CNTNAP2: variants seen among roughly 807,000 people sequenced by gnomAD.
The protein encoded by CNTNAP2 is contactin associated protein 2, also known as contactin-associated protein-like 2.
CNTNAP2 carries 98 observed loss-of-function variants against 155.2 expected under a neutral mutation model. That is an observed-to-expected ratio of 0.63 (90% confidence interval 0.54 to 0.75). The LOEUF is 0.75. Among genes scored for constraint, CNTNAP2 ranks in the 30% least tolerant of loss-of-function variants. CNTNAP2 has a pLI of 0.00. For missense variants in CNTNAP2, 1,727 were observed against 1,688.1 expected, an observed-to-expected ratio of 1.02 and a Z score of -0.40; for synonymous variants, 651 against 631.2, an observed-to-expected ratio of 1.03 and a Z score of -0.47.
At chr7:146,688,414 C>G (rs2642488) in intron 1 of CNTNAP2, among the ~76,000 whole-genome samples, 121,726 of 152,026 alleles carry the variant, frequency 0.8, 49,322 homozygotes, top group South Asian at 0.91. Flanking sequence ...GGGTGCAGGC[C>G]AACTGACTCT....
chr7:147,928,905 A>T lies in CNTNAP2; in HGVS notation c.2255+25184A>T, dbSNP rs6974302. 7.1e-3 allele frequency among the ~76,000 whole-genome samples: 1,078 copies of T among 152,052 alleles called. 13 individuals are homozygous for T. The highest frequency in any genetic ancestry group is 0.025 in the African/African-American group (1,042 of 41,446). The stretch of plus-strand genomic sequence containing the variant: ...CGAGAGTTTGAGATCAGCCTGACCA[A>T]CATGGAGAAACCCCGTCTCTACTAA... On this transcript the variant is annotated intron_variant, in intron 14 of 23. Coordinates refer to ENST00000361727, the MANE Select transcript of CNTNAP2 (RefSeq NM_014141.6).
chr7:147,571,188 T>C (rs1034962988), intron 12 of CNTNAP2, among the ~76,000 whole-genome samples: 5 of 151,644 alleles, frequency 3.3e-5, no homozygotes, highest in Non-Finnish European at 5.9e-5. Context: ...GTTACATATG[T>C]ATACATGTGC....
At chr7:146,441,345 C>T (rs576663848) in intron 1 of CNTNAP2, among the ~76,000 whole-genome samples, 12 of 151,534 alleles carry the variant, frequency 7.9e-5, no homozygotes, top group African/African-American at 2.9e-4. Context: ...TTTCATATTG[C>T]AAGACAATTC....
At chr7:146,773,708 T>C (rs1802337644) in intron 1 of CNTNAP2, among the ~76,000 whole-genome samples, 1 of 152,208 alleles carries the variant, frequency 6.6e-6, no homozygotes, top group African/African-American at 2.4e-5. Context: ...TTTTCTATTC[T>C]AGTGAGAACA....
intron 1 of CNTNAP2, among the ~76,000 whole-genome samples, chr7:146,199,176 G>A (rs1798821176): frequency 6.6e-6 from 1 of 152,052 alleles, no homozygotes; most frequent in African/African-American, 2.4e-5. Flanking sequence ...TTCCATCTCT[G>A]TTACTTGTTG....
chr7:147,329,274 A>G (rs1401098583), intron 9 of CNTNAP2, among the ~76,000 whole-genome samples: 1 of 152,132 alleles, frequency 6.6e-6, no homozygotes, highest in Non-Finnish European at 1.5e-5. Context: ...TATAATTCTT[A>G]CACATTATAA....
chr7:147,806,030 C>G (rs1361798469), intron 13 of CNTNAP2, among the ~76,000 whole-genome samples: 1 of 152,262 alleles, frequency 6.6e-6, no homozygotes, highest in East Asian at 1.9e-4. Flanking sequence ...AATCTCCACA[C>G]AGCAAGGGAG....
chr7:146,994,689 T>G (rs1798274444), intron 3 of CNTNAP2, among the ~76,000 whole-genome samples: 1 of 152,078 alleles, frequency 6.6e-6, no homozygotes, highest in African/African-American at 2.4e-5. Context: ...AAATGGCAGT[T>G]TTACATATCT....
At chr7:146,577,810 T>A (rs1798547817) in intron 1 of CNTNAP2, among the ~76,000 whole-genome samples, 1 of 152,096 alleles carries the variant, frequency 6.6e-6, no homozygotes, top group East Asian at 1.9e-4. Context: ...TTTGATGGCT[T>A]TTGAAAAGTG....
At chr7:146,985,308 A>ATTTTTTTTTTTTTTTTTTTT (rs71165057) in intron 3 of CNTNAP2, among the ~76,000 whole-genome samples, 2 of 127,826 alleles carry the variant, frequency 1.6e-5, no homozygotes, top group African/African-American at 6.3e-5. Context: ...AAATGCTTGA[A>ATTTTTTTTTTTTTTTTTTTT]TTTTTTTTTT....
chr7:148,172,064 C>T (rs1805803591), intron 17 of CNTNAP2, among the ~76,000 whole-genome samples, 178 bp from the exon 18 acceptor site: 1 of 152,094 alleles, frequency 6.6e-6, no homozygotes, highest in Non-Finnish European at 1.5e-5. Context: ...TTAATTAGGC[C>T]TTATAGCCTG....
intron 3 of CNTNAP2, among the ~76,000 whole-genome samples, chr7:146,959,337 A>G (rs1797506696): frequency 6.6e-6 from 1 of 152,174 alleles, no homozygotes; most frequent in Non-Finnish European, 1.5e-5. Context: ...GCGAGAAAAG[A>G]TGCAAATCTT....
rs700305 is a variant in CNTNAP2, at chr7:147,390,143, A to G, written c.1499-5466A>G. ...CTCCTCTGTTTCTAAGGGAGTTAAAACAGCAGGAGGTTCAGTATCAGAGAT... is the reference window on the plus strand; with the variant it reads ...CTCCTCTGTTTCTAAGGGAGTTAAAGCAGCAGGAGGTTCAGTATCAGAGAT... On this transcript the variant is annotated intron_variant, in intron 9 of 23. Coordinates refer to ENST00000361727, the MANE Select transcript of CNTNAP2 (RefSeq NM_014141.6). 3.3e-5 allele frequency among the ~76,000 whole-genome samples: 5 copies of G among 152,132 alleles called. No individual in the cohort carries two copies. The East Asian group carries it at 9.7e-4, about 30-fold the overall frequency.
Position 146,553,668 on chromosome 7 carries a change from A to G in CNTNAP2, c.98-220603A>G, listed in dbSNP as rs558219991. On this transcript the variant is annotated intron_variant, in intron 1 of 23. Transcript: ENST00000361727. Reference sequence around the variant, plus strand: ...TTGAAAGAAAATTAAAATTAATCCAATGTAGGATATTATACAAAGATTACT... The same window carrying G: ...TTGAAAGAAAATTAAAATTAATCCAGTGTAGGATATTATACAAAGATTACT... 3.3e-5 allele frequency among the ~76,000 whole-genome samples: 5 copies of G among 152,298 alleles called. No individual in the cohort carries two copies. In the East Asian group the frequency reaches 9.7e-4, roughly 29 times the overall value.
intron 16 of CNTNAP2, among the ~76,000 whole-genome samples, chr7:148,134,377 G>A (rs1223915480): frequency 6.6e-6 from 1 of 152,140 alleles, no homozygotes; most frequent in Non-Finnish European, 1.5e-5. Context: ...TCCGGTTCCT[G>A]TATACATTAG....
chr7:148,305,061 A>AG (rs1359064736), intron 21 of CNTNAP2, among the ~76,000 whole-genome samples: 2 of 144,580 alleles, frequency 1.4e-5, no homozygotes, highest in Non-Finnish European at 3.1e-5. Flanking sequence ...TACAAAAAAA[A>AG]AAAAAAAAGA....
In CNTNAP2 at chr7:147,775,321, ATT is replaced by A. The variant is rs1455498941; in HGVS notation, c.2099-128242_2099-128241del. 2.6e-4 allele frequency among the ~76,000 whole-genome samples: 9 copies of A among 34,888 alleles called. 1 individual carries two copies. Among genetic ancestry groups the A allele is most frequent in the South Asian group, 2.2e-3 (3 of 1,350 alleles). The allele number at this position is 34,888 out of a possible 152,430, so 22.9% of individuals were successfully genotyped here. On this transcript the variant is annotated intron_variant, in intron 13 of 23. Coordinates refer to ENST00000361727, the MANE Select transcript of CNTNAP2 (RefSeq NM_014141.6). ...TATATATATTTATAAATATATATAT[ATT>A]TATATATATTTATAAATATATATAT...
chr7:146,953,376 C>T (rs1797361877), intron 3 of CNTNAP2, among the ~76,000 whole-genome samples: 1 of 151,792 alleles, frequency 6.6e-6, no homozygotes, highest in African/African-American at 2.4e-5. Flanking sequence ...CTAGTTTTCT[C>T]ATGTTTAACG....
At chr7:147,906,518 T>C (rs1799961274) in intron 14 of CNTNAP2, among the ~76,000 whole-genome samples, 1 of 151,292 alleles carries the variant, frequency 6.6e-6, no homozygotes, top group African/African-American at 2.4e-5. Context: ...TGAGACAAGG[T>C]CTTGCTCTGT....
Sources: allele counts gnomAD v4.1 joint callset (sites outside exome capture counted in the v4.1 genomes callset), GRCh38; gene constraint gnomAD v4.1.1; transcripts MANE v1.5; gene names NCBI Gene and HGNC (gene_info 2026-07-23, HGNC 2026-07-21).